SPATA13: variants seen among roughly 807,000 people sequenced by gnomAD.
SPATA13 encodes spermatogenesis associated 13.
A neutral mutation model predicts 104.0 loss-of-function variants in SPATA13; 50 were observed. The ratio of observed to expected loss-of-function variants is 0.48; its 90% CI spans 0.38 to 0.61. The LOEUF (loss-of-function observed/expected upper bound fraction) is 0.61, where lower values mean the gene tolerates loss of function less well. SPATA13 is among the 20% of genes least tolerant of loss of function. The pLI is 0.00. For synonymous variants in SPATA13, 606 were observed against 667.5 expected, an observed-to-expected ratio of 0.91 and a Z score of 1.42; for missense variants, 1,524 against 1,690.6, an observed-to-expected ratio of 0.90 and a Z score of 1.73.
In SPATA13 at chr13:23,996,290, A is replaced by G. The variant is rs537917950; in HGVS notation, c.-147+12357A>G. On this transcript the variant is annotated intron_variant, in intron 2 of 14. Coordinates refer to the SPATA13 transcript ENST00000424834. The stretch of plus-strand genomic sequence containing the variant: ...AGAGTTTTAACACTAGAGTTTGCAA[A>G]TGAGAAGAAAAGATCTAACTCTTCG... Among the ~76,000 whole-genome samples, 7 of 152,212 alleles carry G rather than the reference A, an allele frequency of 4.6e-5. No individual in the cohort carries two copies. The East Asian group carries it at 1.2e-3, about 25-fold the overall frequency.
chr13:24,107,052 C>CG (rs1035640119), intron 3 of SPATA13, among the ~76,000 whole-genome samples: 2 of 145,624 alleles, frequency 1.4e-5, no homozygotes, highest in African/African-American at 5.1e-5. Flanking sequence ...ATGATAAGGA[C>CG]GGGGAAAAAA....
At chr13:24,046,072 A>G (rs1878131453) in intron 3 of SPATA13, among the ~76,000 whole-genome samples, 1 of 152,222 alleles carries the variant, frequency 6.6e-6, no homozygotes, top group African/African-American at 2.4e-5. Context: ...GCTGTGCAGA[A>G]CCATGCGTTA....
chr13:24,217,684 G>GCAATA (rs931873785), intron 1 of SPATA13, among the ~76,000 whole-genome samples: 1 of 152,202 alleles, frequency 6.6e-6, no homozygotes, highest in African/African-American at 2.4e-5. Flanking sequence ...AGAAGACAGT[G>GCAATA]CAATAGCAGG....
At chr13:24,146,397 C>T (rs1284008539) in intron 3 of SPATA13, among the ~76,000 whole-genome samples, 1 of 152,206 alleles carries the variant, frequency 6.6e-6, no homozygotes, top group Non-Finnish European at 1.5e-5. Context: ...CACCGAGTAC[C>T]CTTGTGATCG....
At chr13:24,171,638 T>A (rs963636398) in intron 1 of SPATA13, among the ~76,000 whole-genome samples, 2 of 152,236 alleles carry the variant, frequency 1.3e-5, no homozygotes, top group African/African-American at 4.8e-5. Context: ...TCAGACAGAC[T>A]TCTGCATTTG....
chr13:24,238,689 G>A (rs894597252), intron 2 of SPATA13, among the ~76,000 whole-genome samples: 7 of 152,136 alleles, frequency 4.6e-5, no homozygotes, highest in Non-Finnish European at 8.8e-5. Context: ...TTTGTGACCA[G>A]GCAAAGGATT....
At chr13:24,092,563 C>T (rs973108891) in intron 3 of SPATA13, among the ~76,000 whole-genome samples, 3 of 152,106 alleles carry the variant, frequency 2.0e-5, no homozygotes, top group Non-Finnish European at 4.4e-5. Flanking sequence ...ACAGTTGAAA[C>T]CTAAGAGTAC....
At chr13:24,105,368 G>A (rs1020194181) in intron 3 of SPATA13, among the ~76,000 whole-genome samples, 11 of 151,906 alleles carry the variant, frequency 7.2e-5, no homozygotes, top group Non-Finnish European at 1.6e-4. Context: ...CAAACTCCTG[G>A]GCTCAAGTGA....
chr13:24,138,797 G>T (rs1434428192), intron 3 of SPATA13, among the ~76,000 whole-genome samples: 1 of 136,872 alleles, frequency 7.3e-6, no homozygotes, highest in African/African-American at 2.8e-5. Context: ...TCGCTATGTT[G>T]CTCAGGCTGG....
chr13:24,056,550 A>G (rs1448217361), intron 3 of SPATA13, among the ~76,000 whole-genome samples: 3 of 152,154 alleles, frequency 2.0e-5, no homozygotes, highest in Non-Finnish European at 2.9e-5. Flanking sequence ...CTCTTCTGCA[A>G]TGTAAATTCC....
chr13:24,154,281 A>C (rs1183674496), intron 3 of SPATA13, among the ~76,000 whole-genome samples: 1 of 152,252 alleles, frequency 6.6e-6, no homozygotes, highest in Admixed American at 6.5e-5. Flanking sequence ...AAAGTAAAAC[A>C]ATCTAATTGT....
chr13:24,184,880 TCC>T (rs1375689992), intron 1 of SPATA13, among the ~76,000 whole-genome samples: 1 of 152,188 alleles, frequency 6.6e-6, no homozygotes, highest in Non-Finnish European at 1.5e-5. Context: ...TCCATTGTTT[TCC>T]TGTTGTTCTG....
intron 3 of SPATA13, among the ~76,000 whole-genome samples, chr13:24,069,282 C>T (rs1362718548): frequency 1.3e-5 from 2 of 152,166 alleles, no homozygotes; most frequent in Non-Finnish European, 2.9e-5. Flanking sequence ...TTGTTTGTGT[C>T]ATCTCTGATT....
chr13:24,188,538 G>C (rs1869302454), intron 1 of SPATA13, among the ~76,000 whole-genome samples: 1 of 152,176 alleles, frequency 6.6e-6, no homozygotes, highest in African/African-American at 2.4e-5. Flanking sequence ...AAGACTGAGA[G>C]AGGTGAAGAA....
intron 3 of SPATA13, among the ~76,000 whole-genome samples, chr13:24,070,948 CGT>C (rs1879139223): frequency 6.6e-6 from 1 of 152,192 alleles, no homozygotes; most frequent in African/African-American, 2.4e-5. Context: ...GATCTTAGGA[CGT>C]GCTGACCTCC....
At chr13:24,063,995 C>G (rs1265149196) in intron 3 of SPATA13, among the ~76,000 whole-genome samples, 1 of 152,108 alleles carries the variant, frequency 6.6e-6, no homozygotes, top group Non-Finnish European at 1.5e-5. Flanking sequence ...CCAGTGGGTG[C>G]CTCTGGAGCA....
At chr13:24,284,490 G>C (rs899674105) in intron 5 of SPATA13, among the ~76,000 whole-genome samples, 1 of 152,100 alleles carries the variant, frequency 6.6e-6, no homozygotes, top group Non-Finnish European at 1.5e-5. Context: ...GTGAAACCCT[G>C]TCTCTACTAA....
chr13:24,282,549 AC>A (rs962645063), intron 4 of SPATA13, among the ~76,000 whole-genome samples: 15 of 151,976 alleles, frequency 9.9e-5, no homozygotes, highest in African/African-American at 3.6e-4. Context: ...TGGCCTCCCA[AC>A]ATGGATCTCA....
chr13:24,272,166 C>G (rs1273647262), intron 4 of SPATA13, among the ~76,000 whole-genome samples: 1 of 152,162 alleles, frequency 6.6e-6, no homozygotes, highest in Non-Finnish European at 1.5e-5. Context: ...GCAGCCAGCA[C>G]GAACGGGCAG....
Sources: gnomAD v4.1 joint callset for allele counts (sites outside exome capture counted in the v4.1 genomes callset) on GRCh38, gnomAD v4.1.1 for gene constraint, MANE v1.5 for transcripts, NCBI Gene and HGNC (gene_info 2026-07-23, HGNC 2026-07-21) for gene names.